The following SETBP1 variants were observed in gnomAD, a reference collection of about 807,000 sequenced individuals.
SETBP1 encodes SET binding protein 1.
SETBP1 carries 9 observed loss-of-function variants against 101.0 expected under a neutral mutation model. That is an observed-to-expected ratio of 0.09 (90% CI 0.05 to 0.16). The LOEUF (loss-of-function observed/expected upper bound fraction) is 0.16. SETBP1 is among the 10% of genes least tolerant of loss of function. SETBP1 has a pLI of 1.00. For synonymous variants in SETBP1, 818 were observed against 788.5 expected, an observed-to-expected ratio of 1.04 and a Z score of -0.63; for missense variants, 1,858 against 2,033.8, an observed-to-expected ratio of 0.91 and a Z score of 1.66.
intron 4 of SETBP1, among the ~76,000 whole-genome samples, chr18:45,034,452 GGAT>G: frequency 6.6e-6 from 1 of 152,142 alleles, no homozygotes; most frequent in Non-Finnish European, 1.5e-5. Flanking sequence ...AGGTTTGAGG[GGAT>G]AAGTGGTCTA....
intron 4 of SETBP1, among the ~76,000 whole-genome samples, chr18:45,017,044 T>A (rs1267702180): frequency 6.6e-6 from 1 of 152,164 alleles, no homozygotes; most frequent in African/African-American, 2.4e-5. Context: ...TTTGTTTTCT[T>A]GCAAATGGTC....
At chr18:44,958,926 C>T (rs2071551776) in intron 4 of SETBP1, among the ~76,000 whole-genome samples, 1 of 152,128 alleles carries the variant, frequency 6.6e-6, no homozygotes, top group South Asian at 2.1e-4. Context: ...CCTAAGGTTT[C>T]CTTTTGGAAA....
chr18:44,935,280 G>C lies in SETBP1; in HGVS notation c.541-14601G>C, dbSNP rs561086498. Among the ~76,000 whole-genome samples, 21 of 152,206 alleles carry C rather than the reference G, an allele frequency of 1.4e-4. No homozygotes were observed. In the South Asian group the frequency reaches 4.4e-3, roughly 32 times the overall value. Reference sequence around the variant, plus strand: ...TTTTAGACTTGATTTATAATCAACGGTTATTTTAGCCCTAATGGCAAAAAA... The same window carrying C: ...TTTTAGACTTGATTTATAATCAACGCTTATTTTAGCCCTAATGGCAAAAAA... On this transcript the variant is annotated intron_variant, in intron 3 of 5. Transcript: ENST00000649279.
At chr18:44,878,762 C>T (rs921266676) in intron 3 of SETBP1, among the ~76,000 whole-genome samples, 1 of 152,162 alleles carries the variant, frequency 6.6e-6, no homozygotes, top group African/African-American at 2.4e-5. Flanking sequence ...GTCCTTCCAC[C>T]TATCTACTCA....
chr18:44,804,184 T>C (rs2071676508), intron 2 of SETBP1, among the ~76,000 whole-genome samples: 1 of 152,066 alleles, frequency 6.6e-6, no homozygotes, highest in African/African-American at 2.4e-5. Context: ...TCTTATGTCT[T>C]AAAGTGGAGG....
At chr18:44,846,782 T>A (rs2072733076) in intron 2 of SETBP1, among the ~76,000 whole-genome samples, 1 of 152,252 alleles carries the variant, frequency 6.6e-6, no homozygotes. Flanking sequence ...CAATTAGCCC[T>A]AACTTCTTCA....
intron 2 of SETBP1, among the ~76,000 whole-genome samples, chr18:44,781,656 T>C (rs1226988608): frequency 1.3e-5 from 2 of 152,160 alleles, no homozygotes; most frequent in Non-Finnish European, 2.9e-5. Context: ...TAATCCCTCA[T>C]AGATTCCCCT....
intron 2 of SETBP1, among the ~76,000 whole-genome samples, chr18:44,736,202 T>C (rs2069962943): frequency 2.0e-5 from 3 of 150,802 alleles, no homozygotes; most frequent in Admixed American, 2.0e-4. Context: ...CTGGGCAACA[T>C]AGAGAGATCC....
At position 44,952,236 on chromosome 18, in the gene SETBP1, G is replaced by C; in HGVS notation, c.2896G>C (p.Val966Leu). ...GGAGGAGCTAATCACCAAGTTCCAAGTGTTCAGAATCTCCCACCGGAGTTA... is the reference window on the plus strand; with the variant it reads ...GGAGGAGCTAATCACCAAGTTCCAACTGTTCAGAATCTCCCACCGGAGTTA... ...DLEELITKFQVFRISHRSYTF... is the reference protein window; with the variant it reads ...DLEELITKFQLFRISHRSYTF... Residue 966 changes from valine to leucine, a missense_variant, in exon 4 of 6, where the codon GTG becomes CTG. This residue lies in a region of SETBP1 where 255 missense variants were observed against 300.1 expected (regional missense o/e 0.85). Coordinates refer to ENST00000649279, the MANE Select transcript of SETBP1 (RefSeq NM_015559.3). The C allele has an allele frequency of 6.2e-7, 1 of 1,614,094 alleles. No individual in the cohort carries two copies. Among genetic ancestry groups the C allele is most frequent in the Non-Finnish European group, 8.5e-7 (1 of 1,180,016 alleles).
chr18:44,737,235 C>G (rs567729510), intron 2 of SETBP1, among the ~76,000 whole-genome samples: 1 of 152,216 alleles, frequency 6.6e-6, no homozygotes, highest in South Asian at 2.1e-4. Flanking sequence ...CCAGCAGTAA[C>G]AGCTTTCACT....
chr18:44,927,340 C>A (rs1010171959), intron 3 of SETBP1, among the ~76,000 whole-genome samples: 1 of 152,148 alleles, frequency 6.6e-6, no homozygotes, highest in Non-Finnish European at 1.5e-5. Flanking sequence ...CACAGACAGG[C>A]GCCAGTGCTC....
At position 44,939,244 on chromosome 18, in the gene SETBP1, G is replaced by A. The variant is rs946234205; in HGVS notation, c.541-10637G>A. On this transcript the variant is annotated intron_variant, in intron 3 of 5. Transcript: ENST00000649279. ...GCCCATGCCAGCCCTTCCCAGCCCC[G>A]GTCCCCACCACACTCTACCCTGGAA... 3.3e-5 allele frequency among the ~76,000 whole-genome samples: 5 copies of A among 151,758 alleles called. No individual in the cohort carries two copies. In the East Asian group the frequency reaches 5.8e-4, roughly 18 times the overall value.
At chr18:44,816,397 G>A (rs953855679) in intron 2 of SETBP1, among the ~76,000 whole-genome samples, 1 of 152,176 alleles carries the variant, frequency 6.6e-6, no homozygotes, top group Admixed American at 6.5e-5. Flanking sequence ...ACAGAGAGGG[G>A]TCAGCAGCTG....
intron 2 of SETBP1, among the ~76,000 whole-genome samples, chr18:44,831,743 A>G (rs1425940936): frequency 6.6e-6 from 1 of 152,184 alleles, no homozygotes; most frequent in Non-Finnish European, 1.5e-5. Context: ...TATTGTTACT[A>G]TTGGTTCTGG....
intron 3 of SETBP1, among the ~76,000 whole-genome samples, chr18:44,904,071 A>G (rs1034895652): frequency 6.6e-6 from 1 of 152,360 alleles, no homozygotes; most frequent in South Asian, 2.1e-4. Flanking sequence ...ATATTTGCTC[A>G]ATGAGTGGAC....
chr18:44,824,367 G>A (rs2072186432), intron 2 of SETBP1, among the ~76,000 whole-genome samples: 1 of 151,968 alleles, frequency 6.6e-6, no homozygotes, highest in Non-Finnish European at 1.5e-5. Flanking sequence ...ACATAACATG[G>A]GATCTATATA....
rs2072606359 is a variant in SETBP1, at chr18:44,841,072, A to G, written c.487-28158A>G. On this transcript the variant is annotated intron_variant, in intron 2 of 5. Transcript: ENST00000649279. ...AACTTAGTAGCTTAAAACGATAAGC[A>G]TTTATTACTTCTCAGATATTCTATC... 2.0e-5 allele frequency among the ~76,000 whole-genome samples: 3 copies of G among 152,376 alleles called. No homozygotes were observed. The South Asian group carries it at 6.2e-4, about 32-fold the overall frequency.
chr18:44,909,159 A>C (rs2070244835), intron 3 of SETBP1, among the ~76,000 whole-genome samples: 1 of 152,188 alleles, frequency 6.6e-6, no homozygotes, highest in South Asian at 2.1e-4. Flanking sequence ...AGAAGGAAGG[A>C]GCAATTGAAA....
At chr18:44,988,104 A>G (rs903055979) in intron 4 of SETBP1, 1 of 152,248 alleles carries the variant, frequency 6.6e-6, no homozygotes, top group Non-Finnish European at 1.5e-5. Context: ...GAAAAAATAG[A>G]AATATATACA....
Sources: gnomAD v4.1 joint callset for allele counts (sites outside exome capture counted in the v4.1 genomes callset) on GRCh38, gnomAD v4.1.1 for gene constraint, gnomAD v4.1.1 regional missense constraint, MANE v1.5 for transcripts, NCBI Gene and HGNC (gene_info 2026-07-23, HGNC 2026-07-21) for gene names.